DNAAF10: variants seen among roughly 807,000 people sequenced by gnomAD.
The protein encoded by DNAAF10 is dynein axonemal assembly factor 10.
DNAAF10 carries 28 observed loss-of-function variants against 43.7 expected under a neutral mutation model. The ratio of observed to expected loss-of-function variants is 0.64; its 90% CI spans 0.48 to 0.88. The LOEUF (loss-of-function observed/expected upper bound fraction) is 0.88. DNAAF10 is among the 40% of genes least tolerant of loss of function. DNAAF10 has a pLI of 0.00. For synonymous variants in DNAAF10, 156 were observed against 157.3 expected (o/e 0.99, Z 0.06); for missense variants, 403 against 439.1 (o/e 0.92, Z 0.73).
chr2:68,146,153 T>C (rs918461894), intron 2 of DNAAF10, among the ~76,000 whole-genome samples: 2 of 152,018 alleles, frequency 1.3e-5, no homozygotes, highest in African/African-American at 4.8e-5. Context: ...TCCTAGCTAC[T>C]TGGGAGGCTG....
chr2:68,148,527 T>C lies in DNAAF10; in HGVS notation c.184-960A>G, dbSNP rs555810746. Among the ~76,000 whole-genome samples the C allele has an allele frequency of 2.1e-4, 32 of 152,298 alleles. No homozygotes were observed. In the South Asian group the frequency reaches 6.0e-3, roughly 29 times the overall value. On this transcript the variant is annotated intron_variant, in intron 1 of 7. Transcript: ENST00000295121. ...CTTTTACTTCCTGATGTTTCTGATT[T>C]CTCCATGGCCCCTCCCGCCGCCAAC... is the stretch of plus-strand genomic sequence containing the variant.
At chr2:68,150,677 G>A (rs770299008) in intron 1 of DNAAF10, among the ~76,000 whole-genome samples, 20 of 152,086 alleles carry the variant, frequency 1.3e-4, no homozygotes, top group Non-Finnish European at 2.6e-4. Flanking sequence ...AGGCTGCAGT[G>A]AGCCAAGATC....
At chr2:68,131,593 A>C (rs1672932928) in intron 7 of DNAAF10, 148 bp from the exon 8 acceptor site, 1 of 781,234 alleles carries the variant, frequency 1.3e-6, no homozygotes, top group South Asian at 1.9e-5. Flanking sequence ...AGTTGTTTGC[A>C]AATAAAGAGA....
chr2:68,143,893 T>C (rs1249297377), intron 3 of DNAAF10, among the ~76,000 whole-genome samples: 5 of 152,250 alleles, frequency 3.3e-5, no homozygotes, highest in Non-Finnish European at 7.3e-5. Context: ...AAAACACAGC[T>C]GCTCTTGAGT....
Position 68,157,512 on chromosome 2 carries a change from G to T in DNAAF10, c.-69C>A. 1 of 1,603,594 alleles carries T rather than the reference G, an allele frequency of 6.2e-7. No homozygotes were observed. Among genetic ancestry groups the T allele is most frequent in the East Asian group, 2.2e-5 (1 of 44,844 alleles). ...CCCAAAAACGGCAACCTGGAAACCA[G>T]ACTCCAAACATTGGCAATTTGTCCC... On this transcript the variant is annotated 5_prime_UTR_variant, in exon 1 of 8. The change creates a new upstream start codon in the 5' untranslated region. Transcript: ENST00000295121.
chr2:68,146,098 C>G (rs901366127), intron 2 of DNAAF10, among the ~76,000 whole-genome samples: 1 of 152,116 alleles, frequency 6.6e-6, no homozygotes, highest in East Asian at 1.9e-4. Context: ...CCCATCTCTA[C>G]TAAAAACACA....
chr2:68,131,102 TA>T lies in DNAAF10; in HGVS notation c.*135del. On this transcript the variant is annotated 3_prime_UTR_variant, in exon 8 of 8. Coordinates refer to ENST00000295121, the MANE Select transcript of DNAAF10 (RefSeq NM_138458.4). ...AGCAAATTTTTTTTTATATTTTTAG[TA>T]GAGACGGGGTTTCACCATGTTAGCC... The T allele has an allele frequency of 2.5e-6, 2 of 790,180 alleles. No individual in the cohort carries two copies. The highest frequency in any genetic ancestry group is 3.4e-5 in the South Asian group (2 of 58,596). 48.9% of individuals were successfully genotyped at this position (790,180 alleles called of 1,614,324 possible).
Position 68,147,579 on chromosome 2 carries a change from G to T in DNAAF10, c.184-12C>A. On this transcript the variant is annotated splice_polypyrimidine_tract_variant and intron_variant, in intron 1 of 7. Coordinates refer to ENST00000295121, the MANE Select transcript of DNAAF10 (RefSeq NM_138458.4). The stretch of plus-strand genomic sequence containing the variant: ...TTGGCCTTTTCAATCTTCATAGAAG[G>T]GAGGAAGAGAGGATATATTATTTAT... 1 of 1,580,650 alleles carries T rather than the reference G, an allele frequency of 6.3e-7. No individual in the cohort carries two copies. The highest frequency in any genetic ancestry group is 8.6e-7 in the Non-Finnish European group (1 of 1,156,686).
chr2:68,135,596 G>A (rs1460276687), intron 6 of DNAAF10, among the ~76,000 whole-genome samples: 1 of 152,182 alleles, frequency 6.6e-6, no homozygotes, highest in African/African-American at 2.4e-5. Context: ...AATGACTGCT[G>A]CTTTGTAGAA....
At chr2:68,157,055 G>C (rs1673638989) in intron 1 of DNAAF10, 1 of 722,172 alleles carries the variant, frequency 1.4e-6, no homozygotes, top group Non-Finnish European at 2.2e-6. Flanking sequence ...TGGCAGGACG[G>C]TTGGGCGCGG....
intron 4 of DNAAF10, among the ~76,000 whole-genome samples, chr2:68,140,595 T>C (rs1673153335): frequency 6.6e-6 from 1 of 152,210 alleles, no homozygotes. Context: ...TCATATTCTC[T>C]GTACCACTCA....
chr2:68,147,680 G>T, intron 1 of DNAAF10, 113 bp from the exon 2 acceptor site: 1 of 682,180 alleles, frequency 1.5e-6, no homozygotes, highest in South Asian at 3.1e-5. Context: ...AATATAAAAG[G>T]CAATTAAAAC....
At chr2:68,150,506 G>T (rs1459526196) in intron 1 of DNAAF10, among the ~76,000 whole-genome samples, 17 of 152,220 alleles carry the variant, frequency 1.1e-4, no homozygotes, top group Admixed American at 1.0e-3. Context: ...GCTGAGGCAG[G>T]CGGATCACCT....
At chr2:68,136,269 T>A (rs2103884627) in intron 6 of DNAAF10, among the ~76,000 whole-genome samples, 1 of 146,802 alleles carries the variant, frequency 6.8e-6, no homozygotes, top group East Asian at 2.0e-4. Context: ...AAACCAGAGA[T>A]GACACTATTA....
Position 68,130,115 on chromosome 2 carries a change from G to GAGATATATATATATATATATATATAT in DNAAF10, c.*1122_*1123insATATATATATATATATATATATATCT, listed in dbSNP as rs1453152500. The GAGATATATATATATATATATATATAT allele has an allele frequency of 1.1e-4, 14 of 132,946 alleles. No homozygotes were observed. Among genetic ancestry groups the GAGATATATATATATATATATATATAT allele is most frequent in the African/African-American group, 4.1e-4 (14 of 34,262 alleles). 8.2% of individuals were successfully genotyped at this position (132,946 alleles called of 1,614,324 possible). A position where few individuals can be genotyped will look rare whatever the true frequency, so the allele number is the denominator to read the frequency against. On this transcript the variant is annotated 3_prime_UTR_variant, in exon 8 of 8. Transcript: ENST00000295121. ...CAACCGTGCCGTTTTGAGAGAGAGA[G>GAGATATATATATATATATATATATAT]ATATATATATATATATTTGTTTTTT...
chr2:68,141,639 C>T, intron 4 of DNAAF10, 55 bp downstream of exon 4: 1 of 1,517,036 alleles, frequency 6.6e-7, no homozygotes, highest in East Asian at 2.3e-5. Context: ...TTTCTTGCAG[C>T]ATCGTGCTTT....
intron 7 of DNAAF10, chr2:68,134,159 G>T: frequency 1.0e-6 from 1 of 984,750 alleles, no homozygotes; most frequent in Non-Finnish European, 1.2e-6. Flanking sequence ...CCTGAGCAAT[G>T]ATATCAGACC....
chr2:68,137,878 A>ATT (rs757832176), intron 5 of DNAAF10, among the ~76,000 whole-genome samples: 2 of 112,122 alleles, frequency 1.8e-5, no homozygotes, highest in Non-Finnish European at 1.8e-5. Flanking sequence ...AAAAAAAAAC[A>ATT]TTTTTTTTTT....
chr2:68,146,066 A>G lies in DNAAF10; in HGVS notation c.285-1351T>C, dbSNP rs376945420. On this transcript the variant is annotated intron_variant, in intron 2 of 7. Coordinates refer to ENST00000295121, the MANE Select transcript of DNAAF10 (RefSeq NM_138458.4). ...CACCTGAGGTCAGGAGTTCGAGACT[A>G]GCCTGGCCAACATGGCGAAACCCCA... 4.3e-4 allele frequency among the ~76,000 whole-genome samples: 65 copies of G among 152,290 alleles called. 2 individuals carry two copies. In the East Asian group the frequency reaches 5.4e-3, roughly 13 times the overall value.
Sources: allele counts gnomAD v4.1 joint callset (sites outside exome capture counted in the v4.1 genomes callset), GRCh38; gene constraint gnomAD v4.1.1; transcripts MANE v1.5; gene names NCBI Gene and HGNC (gene_info 2026-07-23, HGNC 2026-07-21).